Variants in LGR6 observed in about 807,000 individuals in gnomAD.
LGR6 encodes leucine rich repeat containing G protein-coupled receptor 6.
A neutral mutation model predicts 69.4 loss-of-function variants in LGR6; 45 were observed. The observed-to-expected ratio is 0.65, with a 90% confidence interval of 0.51 to 0.83. The LOEUF (loss-of-function observed/expected upper bound fraction) is 0.83, where lower values mean the gene tolerates loss of function less well. LGR6 is among the 40% of genes least tolerant of loss of function. The probability of loss-of-function intolerance (pLI) is 0.00; values close to 1 mark genes in which losing one functional copy is unlikely to be tolerated. For missense variants in LGR6, 1,108 were observed against 1,246.7 expected (o/e 0.89, Z 1.68); for synonymous variants, 538 against 555.0 (o/e 0.97, Z 0.43).
At chr1:202,274,378 A>G (rs1175020046) in intron 4 of LGR6, among the ~76,000 whole-genome samples, 1 of 152,192 alleles carries the variant, frequency 6.6e-6, no homozygotes, top group Non-Finnish European at 1.5e-5. Context: ...GTTGAGGTAG[A>G]GCCCTCATCT....
intron 6 of LGR6, 26 bp from the exon 7 acceptor site, chr1:202,297,482 A>G (rs570422627): frequency 6.2e-7 from 1 of 1,606,648 alleles, no homozygotes; most frequent in East Asian, 2.2e-5. Context: ...CCTTTGCCCT[A>G]ATGACTGCTC....
intron 4 of LGR6, among the ~76,000 whole-genome samples, chr1:202,266,275 A>C (rs1482612262): frequency 2.6e-5 from 4 of 152,156 alleles, no homozygotes; most frequent in Non-Finnish European, 5.9e-5. Flanking sequence ...CTGGGGACAC[A>C]GGGACATAGC....
At chr1:202,272,112 A>G (rs929295075) in intron 4 of LGR6, among the ~76,000 whole-genome samples, 19 of 152,218 alleles carry the variant, frequency 1.2e-4, no homozygotes, top group African/African-American at 2.4e-5. Context: ...CAAATGTTGC[A>G]TGGGACTTAT....
intron 3 of LGR6, among the ~76,000 whole-genome samples, chr1:202,233,093 C>A (rs1661224405): frequency 6.6e-6 from 1 of 152,124 alleles, no homozygotes; most frequent in Non-Finnish European, 1.5e-5. Flanking sequence ...GGCTGTCTGG[C>A]ATAGGATGAG....
intron 4 of LGR6, among the ~76,000 whole-genome samples, chr1:202,265,283 C>T (rs1310406426): frequency 6.6e-6 from 1 of 152,200 alleles, no homozygotes; most frequent in East Asian, 1.9e-4. Flanking sequence ...GGGACTGTCC[C>T]ACCAGGAGTA....
chr1:202,265,043 A>G (rs1664534642), intron 4 of LGR6, among the ~76,000 whole-genome samples: 1 of 152,224 alleles, frequency 6.6e-6, no homozygotes, highest in Non-Finnish European at 1.5e-5. Context: ...ATCAAAGCTG[A>G]TGAAATCACT....
intron 4 of LGR6, among the ~76,000 whole-genome samples, chr1:202,271,733 G>A (rs561278878): frequency 5.3e-5 from 8 of 151,634 alleles, no homozygotes; most frequent in African/African-American, 1.5e-4. Context: ...GCTTGAACCC[G>A]GGAGGCAGAG....
At chr1:202,250,728 G>A (rs1273835989) in intron 4 of LGR6, among the ~76,000 whole-genome samples, 1 of 152,106 alleles carries the variant, frequency 6.6e-6, no homozygotes, top group East Asian at 1.9e-4. Flanking sequence ...TAAAATTCAG[G>A]ATTCCCCATT....
chr1:202,309,219 A>T, intron 15 of LGR6, 43 bp downstream of exon 15: 1 of 1,608,986 alleles, frequency 6.2e-7, no homozygotes, highest in Non-Finnish European at 8.5e-7. Context: ...GGCCAGCTGG[A>T]GACCCTGGAG....
chr1:202,210,428 G>GAAAA (rs57478369), intron 1 of LGR6, among the ~76,000 whole-genome samples: 5 of 131,768 alleles, frequency 3.8e-5, no homozygotes, highest in African/African-American at 5.7e-5. Flanking sequence ...GTACAGAGCA[G>GAAAA]AAAAAAAAAA....
intron 6 of LGR6, among the ~76,000 whole-genome samples, chr1:202,296,586 G>C (rs1667176605): frequency 6.6e-6 from 1 of 152,100 alleles, no homozygotes; most frequent in Admixed American, 6.5e-5. Flanking sequence ...GAAAATAAAA[G>C]TTGCCCTCGG....
At chr1:202,206,996 C>T (rs751445211) in intron 1 of LGR6, among the ~76,000 whole-genome samples, 1 of 152,040 alleles carries the variant, frequency 6.6e-6, no homozygotes, top group African/African-American at 2.4e-5. Flanking sequence ...TGGCTCACTG[C>T]AACCTCCGCC....
At chr1:202,290,506 G>A (rs1666719055) in intron 6 of LGR6, among the ~76,000 whole-genome samples, 1 of 152,156 alleles carries the variant, frequency 6.6e-6, no homozygotes, top group East Asian at 1.9e-4. Context: ...GAGCCAAGAG[G>A]CCTGAGTTTG....
rs145614577 is a variant in LGR6, at chr1:202,280,271, C to T, written c.645-510C>T. ...ATCACCACCTCTATAAAGCCTGCCT[C>T]GATTCCTCTGGCCTCACCAATCTGC... On this transcript the variant is annotated intron_variant, in intron 5 of 17. Transcript: ENST00000367278. Among the ~76,000 whole-genome samples the T allele has an allele frequency of 8.9e-4, 136 of 152,250 alleles. 1 individual carries two copies. The highest frequency in any genetic ancestry group is 2.7e-3 in the African/African-American group (113 of 41,558).
chr1:202,236,058 C>A, intron 4 of LGR6, 65 bp downstream of exon 4: 2 of 1,365,572 alleles, frequency 1.5e-6, no homozygotes, highest in Middle Eastern at 1.9e-4. Context: ...CAGCCCAGGG[C>A]CCCCTGCCTC....
chr1:202,228,133 A>C (rs890112590), intron 3 of LGR6, 126 bp downstream of exon 3: 1 of 615,170 alleles, frequency 1.6e-6, no homozygotes, highest in Non-Finnish European at 2.9e-6. Context: ...CTTCACTTTC[A>C]GTTTCAATTG....
chr1:202,220,836 A>G (rs910883050), intron 1 of LGR6, among the ~76,000 whole-genome samples: 1 of 152,008 alleles, frequency 6.6e-6, no homozygotes, highest in Admixed American at 6.6e-5. Flanking sequence ...CAGATCTTAA[A>G]TGCTCCTATC....
intron 1 of LGR6, among the ~76,000 whole-genome samples, chr1:202,215,020 T>TGTGTGTGTGTGTGC (rs144255206): frequency 7.4e-6 from 1 of 135,814 alleles, no homozygotes; most frequent in Non-Finnish European, 1.6e-5. Context: ...TGTGTGTGTG[T>TGTGTGTGTGTGTGC]GCGCGCGCGC....
At chr1:202,272,975 G>A (rs980792439) in intron 4 of LGR6, among the ~76,000 whole-genome samples, 2 of 152,220 alleles carry the variant, frequency 1.3e-5, no homozygotes, top group African/African-American at 4.8e-5. Flanking sequence ...GTGAACAGGT[G>A]AGCAGGTTCT....
Sources: allele counts gnomAD v4.1 joint callset (sites outside exome capture counted in the v4.1 genomes callset), GRCh38; gene constraint gnomAD v4.1.1; transcripts MANE v1.5; gene names NCBI Gene and HGNC (gene_info 2026-07-23, HGNC 2026-07-21).